The following ERBB4 variants were observed in gnomAD, a reference collection of about 807,000 sequenced individuals.
The protein encoded by ERBB4 is receptor tyrosine-protein kinase erbB-4.
Under a neutral mutation model 158.0 loss-of-function variants are expected in ERBB4, and 42 were observed. The observed-to-expected ratio is 0.27, with a 90% confidence interval of 0.21 to 0.34. ERBB4 has a LOEUF of 0.34. Ranked by LOEUF, ERBB4 falls within the 10% of genes least tolerant of loss-of-function variation. ERBB4 has a pLI of 1.00. For missense variants in ERBB4, 1,333 were observed against 1,624.1 expected (o/e 0.82, Z 3.08); for synonymous variants, 583 against 558.7 (o/e 1.04, Z -0.61).
chr2:212,173,915 T>A (rs1305890475), intron 1 of ERBB4, among the ~76,000 whole-genome samples: 1 of 152,066 alleles, frequency 6.6e-6, no homozygotes, highest in Non-Finnish European at 1.5e-5. Context: ...CTGCTATGAT[T>A]TATCCACTGA....
chr2:211,990,984 A>C (rs188616719), intron 2 of ERBB4, among the ~76,000 whole-genome samples: 2 of 152,148 alleles, frequency 1.3e-5, no homozygotes, highest in Non-Finnish European at 2.9e-5. Flanking sequence ...ATTTTAGCAT[A>C]CATAATTTTT....
At chr2:212,321,574 C>G (rs2087569426) in intron 1 of ERBB4, among the ~76,000 whole-genome samples, 1 of 150,390 alleles carries the variant, frequency 6.6e-6, no homozygotes, top group African/African-American at 2.4e-5. Context: ...TGGCACATGC[C>G]TATACTTCCA....
At chr2:212,250,892 A>C (rs2084506961) in intron 1 of ERBB4, among the ~76,000 whole-genome samples, 1 of 151,988 alleles carries the variant, frequency 6.6e-6, no homozygotes, top group South Asian at 2.1e-4. Flanking sequence ...ATTAAATACT[A>C]CTAACACAGT....
intron 20 of ERBB4, among the ~76,000 whole-genome samples, chr2:211,434,518 C>G (rs73067257): frequency 0.028 from 4,292 of 152,222 alleles, 229 homozygotes; most frequent in African/African-American, 0.098. Context: ...ACTTCCCAGT[C>G]TCCAAAACTA....
intron 1 of ERBB4, among the ~76,000 whole-genome samples, chr2:212,451,311 T>C (rs2092442558): frequency 6.6e-6 from 1 of 152,234 alleles, no homozygotes; most frequent in African/African-American, 2.4e-5. Context: ...GAGAAGAATT[T>C]ATAGCCATGT....
intron 3 of ERBB4, among the ~76,000 whole-genome samples, chr2:211,880,637 G>C (rs1272209863): frequency 6.6e-6 from 1 of 152,060 alleles, no homozygotes; most frequent in Non-Finnish European, 1.5e-5. Flanking sequence ...GAGGCCCTAG[G>C]AACCATTAAG....
chr2:211,514,248 C>T (rs1213223972), intron 20 of ERBB4, among the ~76,000 whole-genome samples: 1 of 152,052 alleles, frequency 6.6e-6, no homozygotes, highest in Non-Finnish European at 1.5e-5. Context: ...AGTTTTGTTT[C>T]GATGTTGCTT....
chr2:212,155,933 T>C (rs2081022553), intron 1 of ERBB4, among the ~76,000 whole-genome samples: 1 of 152,158 alleles, frequency 6.6e-6, no homozygotes, highest in African/African-American at 2.4e-5. Context: ...ATTTTAATGA[T>C]ATTTCAACAA....
chr2:211,619,175 A>G lies in ERBB4; in HGVS notation c.2301+2T>C. 6.4e-7 allele frequency: 1 copy of G among 1,559,750 alleles called. No individual in the cohort carries two copies. Among genetic ancestry groups the G allele is most frequent in the Non-Finnish European group, 8.8e-7 (1 of 1,130,636 alleles). ...TGTGATTGCCTGGGTGTCTGTACTTACATCCATGAACTCCACATTTGCCTT... is the reference window on the plus strand; with the variant it reads ...TGTGATTGCCTGGGTGTCTGTACTTGCATCCATGAACTCCACATTTGCCTT... On this transcript the variant is annotated splice_donor_variant, in intron 19 of 27. Coordinates refer to ENST00000342788, the MANE Select transcript of ERBB4 (RefSeq NM_005235.3). LOFTEE classifies it high-confidence loss of function.
chr2:211,633,413 T>C (rs578013267), intron 16 of ERBB4, among the ~76,000 whole-genome samples: 25 of 151,552 alleles, frequency 1.6e-4, no homozygotes, highest in African/African-American at 5.5e-4. Context: ...TAAAATAATA[T>C]ACTAAATAGT....
At chr2:212,381,114 T>G (rs2090489477) in intron 1 of ERBB4, among the ~76,000 whole-genome samples, 1 of 151,454 alleles carries the variant, frequency 6.6e-6, no homozygotes. Context: ...TATTGCTTAT[T>G]TTTTCCTGTT....
In ERBB4 at chr2:211,378,350, G is replaced by A. The variant is rs546283804; in HGVS notation, c.*5265C>T. The A allele has an allele frequency of 4.8e-4, 112 of 232,774 alleles. 1 individual carries two copies. The highest frequency in any genetic ancestry group is 1.3e-3 in the Middle Eastern group (1 of 780). 14.4% of individuals were successfully genotyped at this position (232,774 alleles called of 1,614,324 possible). On this transcript the variant is annotated 3_prime_UTR_variant, in exon 28 of 28. Transcript: ENST00000342788. ...TCTGCCCAAAATGTCACCTGGCCAG[G>A]AATTAGGTGAGGCAGGGGCCTGCAA...
At chr2:211,650,025 G>C (rs1015306577) in intron 16 of ERBB4, among the ~76,000 whole-genome samples, 1 of 151,664 alleles carries the variant, frequency 6.6e-6, no homozygotes, top group Non-Finnish European at 1.5e-5. Flanking sequence ...TAAGAAAAAG[G>C]CATGAAGAGA....
chr2:211,661,866 C>T (rs1390947404), intron 15 of ERBB4, among the ~76,000 whole-genome samples: 3 of 149,216 alleles, frequency 2.0e-5, no homozygotes, highest in Non-Finnish European at 3.0e-5. Context: ...GGTGAAACCC[C>T]GTCTCTACTA....
chr2:211,426,834 A>G (rs958895249), intron 22 of ERBB4, among the ~76,000 whole-genome samples: 2 of 151,374 alleles, frequency 1.3e-5, no homozygotes, highest in African/African-American at 4.8e-5. Context: ...ATCTGACATA[A>G]TATATATTCT....
At chr2:212,396,805 T>C (rs2106451180) in intron 1 of ERBB4, among the ~76,000 whole-genome samples, 1 of 152,276 alleles carries the variant, frequency 6.6e-6, no homozygotes, top group East Asian at 1.9e-4. Flanking sequence ...ACATCTCTAA[T>C]TGTGATTTTT....
At chr2:212,047,959 T>C (rs2077300907) in intron 2 of ERBB4, among the ~76,000 whole-genome samples, 2 of 152,182 alleles carry the variant, frequency 1.3e-5, no homozygotes, top group South Asian at 4.1e-4. Flanking sequence ...CAAAGTGATA[T>C]AATGAGATTG....
intron 1 of ERBB4, among the ~76,000 whole-genome samples, chr2:212,496,909 G>A (rs987227132): frequency 3.3e-5 from 5 of 152,036 alleles, no homozygotes; most frequent in Non-Finnish European, 7.4e-5. Flanking sequence ...GCCAGGTGAG[G>A]TGGTTCACTC....
At chr2:211,504,141 G>T (rs2065685814) in intron 20 of ERBB4, among the ~76,000 whole-genome samples, 1 of 152,048 alleles carries the variant, frequency 6.6e-6, no homozygotes, top group Non-Finnish European at 1.5e-5. Context: ...CCACCTACTA[G>T]CCAGTAGGAT....
Sources: allele counts gnomAD v4.1 joint callset (sites outside exome capture counted in the v4.1 genomes callset), GRCh38; gene constraint gnomAD v4.1.1; transcripts MANE v1.5; gene names NCBI Gene and HGNC (gene_info 2026-07-23, HGNC 2026-07-21).